Variants in B3GALT1 observed in about 807,000 individuals in gnomAD.
The protein encoded by B3GALT1 is beta-1,3-galactosyltransferase 1, also known as UDP-Gal:betaGlcNAc beta 1,3-galactosyltransferase, polypeptide 1.
Under a neutral mutation model 23.2 loss-of-function variants are expected in B3GALT1, and 10 were observed. The ratio of observed to expected loss-of-function variants is 0.43; its 90% CI spans 0.27 to 0.73. The LOEUF (loss-of-function observed/expected upper bound fraction) is 0.73, where lower values mean the gene tolerates loss of function less well. B3GALT1 is among the 30% of genes least tolerant of loss of function. The pLI is 0.21. For missense variants in B3GALT1, 299 were observed against 405.4 expected, an observed-to-expected ratio of 0.74 and a Z score of 2.25; for synonymous variants, 156 against 141.5, an observed-to-expected ratio of 1.10 and a Z score of -0.73.
At chr2:167,727,379 C>T (rs1273299099) in intron 3 of B3GALT1, among the ~76,000 whole-genome samples, 1 of 152,142 alleles carries the variant, frequency 6.6e-6, no homozygotes, top group African/African-American at 2.4e-5. Context: ...TTCTAAAGAC[C>T]TGAATTTAAT....
intron 1 of B3GALT1, among the ~76,000 whole-genome samples, chr2:167,401,393 A>G (rs1013384465): frequency 6.6e-6 from 1 of 152,028 alleles, no homozygotes; most frequent in Non-Finnish European, 1.5e-5. Flanking sequence ...ACTTTTGTGA[A>G]TTCTGTGTAG....
intron 3 of B3GALT1, among the ~76,000 whole-genome samples, chr2:167,749,084 C>A (rs1050558439): frequency 1.3e-4 from 20 of 152,132 alleles, no homozygotes; most frequent in African/African-American, 3.9e-4. Flanking sequence ...AAGGGTTGGC[C>A]TTAGAACTAG....
chr2:167,674,351 A>G (rs1323616685), intron 3 of B3GALT1, among the ~76,000 whole-genome samples: 1 of 152,176 alleles, frequency 6.6e-6, no homozygotes, highest in African/African-American at 2.4e-5. Flanking sequence ...ATCCCATTAT[A>G]GCTACTACAT....
intron 2 of B3GALT1, among the ~76,000 whole-genome samples, chr2:167,562,803 G>T (rs910875123): frequency 3.9e-5 from 6 of 151,984 alleles, no homozygotes; most frequent in African/African-American, 1.2e-4. Flanking sequence ...GCGGCCTTCC[G>T]CAGTGTTTGT....
At chr2:167,672,387 G>C (rs970582916) in intron 3 of B3GALT1, among the ~76,000 whole-genome samples, 1 of 152,128 alleles carries the variant, frequency 6.6e-6, no homozygotes, top group Non-Finnish European at 1.5e-5. Context: ...ATAAGAAAAA[G>C]CTTGGGTTTA....
At chr2:167,784,526 A>G (rs1298106795) in intron 3 of B3GALT1, among the ~76,000 whole-genome samples, 1 of 152,206 alleles carries the variant, frequency 6.6e-6, no homozygotes, top group Non-Finnish European at 1.5e-5. Flanking sequence ...ACCTTGGGGA[A>G]TTGTCTAAAG....
At chr2:167,715,092 A>C in intron 3 of B3GALT1, 1 of 1,613,320 alleles carries the variant, frequency 6.2e-7, no homozygotes, top group Non-Finnish European at 8.5e-7. Flanking sequence ...GCTTTTAAAG[A>C]AACATTTAAG....
At chr2:167,657,629 T>A (rs911221975) in intron 3 of B3GALT1, among the ~76,000 whole-genome samples, 2 of 152,138 alleles carry the variant, frequency 1.3e-5, no homozygotes, top group African/African-American at 4.8e-5. Flanking sequence ...CAAGACTTTA[T>A]AACCAGGAAC....
chr2:167,368,871 T>C (rs1238756183), intron 1 of B3GALT1, among the ~76,000 whole-genome samples: 3 of 152,038 alleles, frequency 2.0e-5, no homozygotes, highest in Non-Finnish European at 4.4e-5. Context: ...TTTTAATATA[T>C]CCATTAGGTA....
At chr2:167,593,478 A>G (rs1464863159) in intron 2 of B3GALT1, among the ~76,000 whole-genome samples, 1 of 152,248 alleles carries the variant, frequency 6.6e-6, no homozygotes, top group Non-Finnish European at 1.5e-5. Flanking sequence ...AATTATATCC[A>G]CAAAACTCAT....
chr2:167,800,548 G>C (rs10199894), intron 3 of B3GALT1, among the ~76,000 whole-genome samples: 1 of 151,956 alleles, frequency 6.6e-6, no homozygotes, highest in South Asian at 2.1e-4. Context: ...AAAGTACTTA[G>C]TACACTAAAA....
At chr2:167,472,773 G>A (rs1699435268) in intron 1 of B3GALT1, among the ~76,000 whole-genome samples, 1 of 151,928 alleles carries the variant, frequency 6.6e-6, no homozygotes, top group Non-Finnish European at 1.5e-5. Context: ...GTCTTTATTT[G>A]GCAGTATCTA....
intron 4 of B3GALT1, among the ~76,000 whole-genome samples, chr2:167,820,478 G>A (rs1214615294): frequency 6.6e-6 from 1 of 152,140 alleles, no homozygotes; most frequent in Non-Finnish European, 1.5e-5. Flanking sequence ...GCATTTAATT[G>A]CTGTTGCAGG....
chr2:167,303,863 A>T (rs895000358), intron 1 of B3GALT1, among the ~76,000 whole-genome samples: 1 of 152,068 alleles, frequency 6.6e-6, no homozygotes, highest in African/African-American at 2.4e-5. Flanking sequence ...TGGAAAGGCC[A>T]ATGCCACTGT....
intron 2 of B3GALT1, among the ~76,000 whole-genome samples, chr2:167,638,053 C>A (rs915257808): frequency 5.3e-5 from 8 of 151,972 alleles, no homozygotes; most frequent in African/African-American, 1.9e-4. Flanking sequence ...GCACAGAACA[C>A]TATATAATAC....
intron 2 of B3GALT1, among the ~76,000 whole-genome samples, chr2:167,566,978 C>G (rs895116637): frequency 6.6e-6 from 1 of 152,206 alleles, no homozygotes; most frequent in East Asian, 1.9e-4. Context: ...CTCTTGCAAT[C>G]TTACTGCATC....
At chr2:167,709,932 C>T (rs1558955814) in intron 3 of B3GALT1, among the ~76,000 whole-genome samples, 1 of 152,018 alleles carries the variant, frequency 6.6e-6, no homozygotes, top group African/African-American at 2.4e-5. Context: ...CAAAGTGTGA[C>T]ACATAGCACA....
intron 3 of B3GALT1, among the ~76,000 whole-genome samples, chr2:167,756,931 T>A (rs1203423856): frequency 3.3e-5 from 5 of 151,998 alleles, no homozygotes; most frequent in African/African-American, 1.2e-4. Context: ...TGTTAGGAGG[T>A]GGTGGGATGG....
chr2:167,694,495 C>T (rs1369060350), intron 3 of B3GALT1, among the ~76,000 whole-genome samples: 3 of 152,084 alleles, frequency 2.0e-5, no homozygotes, highest in Middle Eastern at 3.4e-3. Flanking sequence ...AACTAAAAAT[C>T]AGAGTAGAAT....
Sources: gnomAD v4.1 joint callset for allele counts (sites outside exome capture counted in the v4.1 genomes callset) on GRCh38, gnomAD v4.1.1 for gene constraint, MANE v1.5 for transcripts, NCBI Gene and HGNC (gene_info 2026-07-23, HGNC 2026-07-21) for gene names.